KHDRBS2: variants seen among roughly 807,000 people sequenced by gnomAD.
KHDRBS2 encodes KH RNA binding domain containing, signal transduction associated 2.
Under a neutral mutation model 44.3 loss-of-function variants are expected in KHDRBS2, and 26 were observed. The ratio of observed to expected loss-of-function variants is 0.59; its 90% CI spans 0.43 to 0.81. The LOEUF is 0.81. Among genes scored for constraint, KHDRBS2 ranks in the 40% least tolerant of loss-of-function variants. KHDRBS2 has a pLI of 0.00. For synonymous variants in KHDRBS2, 194 were observed against 151.1 expected (o/e 1.28, Z -2.08); for missense variants, 476 against 433.1 (o/e 1.10, Z -0.88).
chr6:61,637,446 G>A, the KHDRBS2 span, among the ~76,000 whole-genome samples: 23 of 152,174 alleles, frequency 1.5e-4, no homozygotes, highest in Admixed American at 2.6e-4. Context: ...TTGGACATTT[G>A]GGTTGGTTCC....
At chr6:61,559,721 C>A in the KHDRBS2 span, among the ~76,000 whole-genome samples, 1 of 152,122 alleles carries the variant, frequency 6.6e-6, no homozygotes, top group Non-Finnish European at 1.5e-5. Context: ...CACTTTAACT[C>A]CAACTTTTTA....
At chr6:61,969,351 A>G (rs1383990144) in intron 4 of KHDRBS2, among the ~76,000 whole-genome samples, 1 of 152,090 alleles carries the variant, frequency 6.6e-6, no homozygotes, top group Non-Finnish European at 1.5e-5. Context: ...ATAACAATTC[A>G]GTACACTCTC....
chr6:62,252,448 C>T (rs1836703155), intron 1 of KHDRBS2, among the ~76,000 whole-genome samples: 1 of 151,766 alleles, frequency 6.6e-6, no homozygotes, highest in Admixed American at 6.6e-5. Flanking sequence ...TAATTATTAC[C>T]TTGAACAGCT....
chr6:62,123,211 C>T lies in KHDRBS2; in HGVS notation c.219+53974G>A, dbSNP rs532366715. 2.0e-3 allele frequency among the ~76,000 whole-genome samples: 283 copies of T among 140,292 alleles called. 3 individuals carry two copies. Among genetic ancestry groups the T allele is most frequent in the Non-Finnish European group, 8.9e-4 (57 of 63,752 alleles). 92.0% of individuals were successfully genotyped at this position (140,292 alleles called of 152,430 possible). The stretch of plus-strand genomic sequence containing the variant: ...ATGGTTTCCAGCTTCATTCACATCC[C>T]TGTAAAGGACATGAACTCATCCTTT... On this transcript the variant is annotated intron_variant, in intron 2 of 8. Coordinates refer to ENST00000281156, the MANE Select transcript of KHDRBS2 (RefSeq NM_152688.4).
chr6:61,867,432 A>C (rs1396481167), intron 6 of KHDRBS2, among the ~76,000 whole-genome samples: 1 of 152,196 alleles, frequency 6.6e-6, no homozygotes, highest in Non-Finnish European at 1.5e-5. Flanking sequence ...GGACACAGCC[A>C]AACCCTATCA....
chr6:62,024,629 T>C (rs546987806), intron 3 of KHDRBS2, among the ~76,000 whole-genome samples: 27 of 151,750 alleles, frequency 1.8e-4, no homozygotes, highest in African/African-American at 6.3e-4. Context: ...CATTAATCTT[T>C]TATGGTGTTA....
chr6:61,647,433 TCTATAATTGTAGATAA>T, the KHDRBS2 span, among the ~76,000 whole-genome samples: 4 of 152,170 alleles, frequency 2.6e-5, no homozygotes, highest in African/African-American at 9.6e-5. Context: ...TCTATAATTA[TCTATAATTGTAGATAA>T]TTATATAACA....
chr6:62,174,313 C>T (rs1358333329), intron 2 of KHDRBS2, among the ~76,000 whole-genome samples: 1 of 151,132 alleles, frequency 6.6e-6, no homozygotes, highest in African/African-American at 2.4e-5. Context: ...TTCACAATGG[C>T]CATAAAAAAA....
At chr6:61,936,663 CTT>C (rs1161516430) in intron 4 of KHDRBS2, among the ~76,000 whole-genome samples, 1 of 151,764 alleles carries the variant, frequency 6.6e-6, no homozygotes, top group Non-Finnish European at 1.5e-5. Flanking sequence ...TTGATAAACT[CTT>C]GTTTATAGGT....
chr6:62,026,436 TTA>T (rs1437974065), intron 3 of KHDRBS2, among the ~76,000 whole-genome samples: 2 of 139,652 alleles, frequency 1.4e-5, no homozygotes, highest in East Asian at 2.0e-4. Context: ...ATTATTATTA[TTA>T]TTTTTTTTTT....
intron 5 of KHDRBS2, among the ~76,000 whole-genome samples, chr6:61,896,971 T>G (rs1038435276): frequency 6.6e-6 from 1 of 152,212 alleles, no homozygotes; most frequent in African/African-American, 2.4e-5. Context: ...TTCGTTATCC[T>G]CCTTCACTGG....
intron 1 of KHDRBS2, among the ~76,000 whole-genome samples, chr6:62,209,844 A>G (rs1004565264): frequency 1.3e-5 from 2 of 152,136 alleles, no homozygotes; most frequent in Admixed American, 1.3e-4. Flanking sequence ...CAAGTTCTTT[A>G]GCTTTTGGAC....
intron 1 of KHDRBS2, among the ~76,000 whole-genome samples, chr6:62,238,444 A>T (rs1834052706): frequency 6.6e-6 from 1 of 152,126 alleles, no homozygotes. Context: ...TGACCTAAAC[A>T]TGCTATATTT....
chr6:62,284,875 A>G (rs1173010852), intron 1 of KHDRBS2, among the ~76,000 whole-genome samples: 1 of 152,174 alleles, frequency 6.6e-6, no homozygotes, highest in Non-Finnish European at 1.5e-5. Context: ...TGGGTAGAGG[A>G]AGTTATCCGT....
chr6:62,182,389 CA>C (rs1180498191), intron 1 of KHDRBS2, among the ~76,000 whole-genome samples: 1 of 151,946 alleles, frequency 6.6e-6, no homozygotes, highest in Non-Finnish European at 1.5e-5. Context: ...AACCACTGTA[CA>C]ACATAGTGCC....
the KHDRBS2 span, among the ~76,000 whole-genome samples, chr6:61,598,825 C>CTTTT: frequency 5.3e-5 from 3 of 56,498 alleles, no homozygotes; most frequent in South Asian, 4.6e-4. Context: ...GTAGAGTGTC[C>CTTTT]TTTTTTCTTT....
At chr6:61,842,290 AT>A (rs1430492455) in intron 6 of KHDRBS2, among the ~76,000 whole-genome samples, 1 of 152,110 alleles carries the variant, frequency 6.6e-6, no homozygotes, top group African/African-American at 2.4e-5. Flanking sequence ...GAAGAGCAAA[AT>A]TGGTTGCTGC....
At chr6:62,224,370 A>G (rs1257562612) in intron 1 of KHDRBS2, among the ~76,000 whole-genome samples, 3 of 152,148 alleles carry the variant, frequency 2.0e-5, no homozygotes, top group Non-Finnish European at 4.4e-5. Flanking sequence ...AATTCAAGAT[A>G]AGATTTGGGT....
At chr6:62,027,750 G>A (rs1482998453) in intron 3 of KHDRBS2, among the ~76,000 whole-genome samples, 1 of 152,066 alleles carries the variant, frequency 6.6e-6, no homozygotes, top group Admixed American at 6.6e-5. Flanking sequence ...TCATGTTGTT[G>A]AACACATAGA....
Sources: gnomAD v4.1 joint callset for allele counts (sites outside exome capture counted in the v4.1 genomes callset) on GRCh38, gnomAD v4.1.1 for gene constraint, MANE v1.5 for transcripts, NCBI Gene and HGNC (gene_info 2026-07-23, HGNC 2026-07-21) for gene names.